KCTD7: variants seen among roughly 807,000 people sequenced by gnomAD.
The protein encoded by KCTD7 is potassium channel tetramerization domain containing 7.
A neutral mutation model predicts 27.0 loss-of-function variants in KCTD7; 15 were observed. That is an observed-to-expected ratio of 0.56 (90% CI 0.37 to 0.86). The LOEUF (loss-of-function observed/expected upper bound fraction) is 0.86, where lower values mean the gene tolerates loss of function less well. Among genes scored for constraint, KCTD7 ranks in the 40% least tolerant of loss-of-function variants. KCTD7 has a pLI of 0.00. For synonymous variants in KCTD7, 159 were observed against 162.7 expected, an observed-to-expected ratio of 0.98 and a Z score of 0.17; for missense variants, 299 against 398.9, an observed-to-expected ratio of 0.75 and a Z score of 2.13.
Position 66,639,294 on chromosome 7 carries a change from AG to A in KCTD7, c.*63del. ...GTCCACCTTGCTTGGTGGCTCTGGGAGTAAGATCCCTGAAGGGGCTGCTGAC... is the reference window on the plus strand; with the variant it reads ...GTCCACCTTGCTTGGTGGCTCTGGGATAAGATCCCTGAAGGGGCTGCTGAC... On this transcript the variant is annotated 3_prime_UTR_variant, in exon 4 of 4. Coordinates refer to ENST00000639828, the MANE Select transcript of KCTD7 (RefSeq NM_153033.5). 3 of 1,599,798 alleles carry A rather than the reference AG, an allele frequency of 1.9e-6. No individual in the cohort carries two copies. Among genetic ancestry groups the A allele is most frequent in the Non-Finnish European group, 1.7e-6 (2 of 1,179,796 alleles).
rs946094420 is a variant in KCTD7 at position 66,642,819 on chromosome 7, G to A, written c.*3587G>A. On this transcript the variant is annotated 3_prime_UTR_variant, in exon 4 of 4. Transcript: ENST00000639828. Reference sequence around the variant, plus strand: ...GTGTATATACATACTGAGTGGGGAAGGATGGGGGTTGGCAGGGGTTGAGGG... The same window carrying A: ...GTGTATATACATACTGAGTGGGGAAAGATGGGGGTTGGCAGGGGTTGAGGG... 164 of 985,304 alleles carry A rather than the reference G, an allele frequency of 1.7e-4. No individual in the cohort carries two copies. The highest frequency in any genetic ancestry group is 1.9e-4 in the Non-Finnish European group (160 of 829,948). The allele number at this position is 985,304 out of a possible 1,614,324, so 61.0% of individuals were successfully genotyped here. A position where few individuals can be genotyped will look rare whatever the true frequency, so the allele number is the denominator to read the frequency against.
chr7:66,630,856 G>A (rs971033080), intron 1 of KCTD7, among the ~76,000 whole-genome samples: 2 of 152,152 alleles, frequency 1.3e-5, no homozygotes, highest in African/African-American at 4.8e-5. Flanking sequence ...AACTGTTTCC[G>A]ATGGCTTTTG....
At chr7:66,637,538 A>G (rs1334695028) in intron 2 of KCTD7, among the ~76,000 whole-genome samples, 1 of 152,216 alleles carries the variant, frequency 6.6e-6, no homozygotes, top group Non-Finnish European at 1.5e-5. Context: ...TAACTAATAA[A>G]AACAAAAAAA....
Position 66,641,272 on chromosome 7 carries a change from T to C in KCTD7, c.*2040T>C. On this transcript the variant is annotated 3_prime_UTR_variant, in exon 4 of 4. Transcript: ENST00000639828. ...AAGGCTTTCATTTTGGTTCTTCTGA[T>C]TGGTGTTACCTACTGCCTAATATGT... 1.0e-6 allele frequency: 1 copy of C among 985,394 alleles called. No individual in the cohort carries two copies. Among genetic ancestry groups the C allele is most frequent in the Non-Finnish European group, 1.2e-6 (1 of 829,930 alleles). 61.0% of individuals were successfully genotyped at this position (985,394 alleles called of 1,614,324 possible). A position where few individuals can be genotyped will look rare whatever the true frequency, so the allele number is the denominator to read the frequency against.
chr7:66,639,822 A>G lies in KCTD7; in HGVS notation c.*590A>G, dbSNP rs953427581. ...AAGACTTTTCTTTTCCTTCCGGAACATGTTCTTCACCACCTTTTGGAGATT... is the reference window on the plus strand; with the variant it reads ...AAGACTTTTCTTTTCCTTCCGGAACGTGTTCTTCACCACCTTTTGGAGATT... On this transcript the variant is annotated 3_prime_UTR_variant, in exon 4 of 4. Transcript: ENST00000639828. 8.0e-7 allele frequency: 1 copy of G among 1,248,662 alleles called. No homozygotes were observed. Among genetic ancestry groups the G allele is most frequent in the African/African-American group, 1.5e-5 (1 of 64,822 alleles). The allele number at this position is 1,248,662 out of a possible 1,614,324, so 77.3% of individuals were successfully genotyped here.
chr7:66,637,230 C>A (rs1261834012), intron 2 of KCTD7, among the ~76,000 whole-genome samples: 3 of 152,232 alleles, frequency 2.0e-5, no homozygotes, highest in African/African-American at 7.2e-5. Flanking sequence ...GGATTACAGA[C>A]ACCCACCACC....
In KCTD7 at chr7:66,638,909, G is replaced by T; in HGVS notation, c.547G>T (p.Ala183Ser). ...CCGGCTGCGTGCGGTCCAGCGGAAG[G>T]CCCGCTTTGCCAAGCTCAAGGTCTG... Reference protein sequence around the residue: ...IARLRAVQRKARFAKLKVCVF... With the variant: ...IARLRAVQRKSRFAKLKVCVF... The change falls in exon 4 of 4, where the codon GCC (alanine) becomes TCC (serine). Residue 183 changes from alanine (A) to serine (S), a missense_variant. Coordinates refer to ENST00000639828, the MANE Select transcript of KCTD7 (RefSeq NM_153033.5). The T allele has an allele frequency of 5.6e-6, 9 of 1,614,158 alleles. No individual in the cohort carries two copies. Among genetic ancestry groups the T allele is most frequent in the Non-Finnish European group, 7.6e-6 (9 of 1,180,030 alleles).
rs541259798 is a variant in KCTD7 at position 66,630,555 on chromosome 7, C to T, written c.144+1347C>T. ...GGAGTCCCAGGACAATGGAGGCCCT[C>T]AACAATTGAGGCCCTCAACAGGCTG... On this transcript the variant is annotated intron_variant, in intron 1 of 3. Transcript: ENST00000639828. 9.1e-4 allele frequency among the ~76,000 whole-genome samples: 138 copies of T among 152,148 alleles called. 1 individual carries two copies. The highest frequency in any genetic ancestry group is 1.6e-3 in the Non-Finnish European group (107 of 68,030).
At chr7:66,634,752 C>T (rs563539659) in intron 2 of KCTD7, among the ~76,000 whole-genome samples, 2 of 80,516 alleles carry the variant, frequency 2.5e-5, no homozygotes, top group African/African-American at 1.2e-4. Context: ...AAGACTGATA[C>T]AGTGTTGTTC....
Position 66,640,772 on chromosome 7 carries a change from G to A in KCTD7, c.*1540G>A. 9.8e-7 allele frequency: 1 copy of A among 1,020,288 alleles called. No individual in the cohort carries two copies. Among genetic ancestry groups the A allele is most frequent in the Non-Finnish European group, 1.2e-6 (1 of 847,900 alleles). The allele number at this position is 1,020,288 out of a possible 1,614,324, so 63.2% of individuals were successfully genotyped here. A position where few individuals can be genotyped will look rare whatever the true frequency, so the allele number is the denominator to read the frequency against. ...TTGAGCCCAGGAGATTAAGACTGTA[G>A]TATACTATGATCGTGCCTGTGGCTA... On this transcript the variant is annotated 3_prime_UTR_variant, in exon 4 of 4. Coordinates refer to ENST00000639828, the MANE Select transcript of KCTD7 (RefSeq NM_153033.5).
chr7:66,637,994 TAAC>T (rs1378095333), intron 2 of KCTD7, among the ~76,000 whole-genome samples: 6 of 152,232 alleles, frequency 3.9e-5, no homozygotes, highest in East Asian at 1.9e-4. Context: ...TGCTTACTGA[TAAC>T]AACAACTAAT....
Position 66,639,432 on chromosome 7 carries a change from G to A in KCTD7, c.*200G>A, listed in dbSNP as rs893768954. 21 of 1,466,848 alleles carry A rather than the reference G, an allele frequency of 1.4e-5. No individual in the cohort carries two copies. The highest frequency in any genetic ancestry group is 2.5e-5 in the East Asian group (1 of 40,050). The allele number at this position is 1,466,848 out of a possible 1,614,324, so 90.9% of individuals were successfully genotyped here. The stretch of plus-strand genomic sequence containing the variant: ...CCTCAGGGTTGGGCTCAGGGCTTGC[G>A]GCCTGCAGGCACTCCAGCCAGCGCT... On this transcript the variant is annotated 3_prime_UTR_variant, in exon 4 of 4. Transcript: ENST00000639828.
chr7:66,640,847 A>G lies in KCTD7; in HGVS notation c.*1615A>G, dbSNP rs1739616996. 1.0e-6 allele frequency: 1 copy of G among 982,830 alleles called. No homozygotes were observed. Among genetic ancestry groups the G allele is most frequent in the Non-Finnish European group, 1.2e-6 (1 of 827,330 alleles). The allele number at this position is 982,830 out of a possible 1,614,324, so 60.9% of individuals were successfully genotyped here. On this transcript the variant is annotated 3_prime_UTR_variant, in exon 4 of 4. Transcript: ENST00000639828. ...CACCATCGTAAAAATAAATAAATAAATAAATAAATTGGGGAGGACAGCCTC... is the reference window on the plus strand; with the variant it reads ...CACCATCGTAAAAATAAATAAATAAGTAAATAAATTGGGGAGGACAGCCTC...
rs1274628365 is a variant in KCTD7 at position 66,639,780 on chromosome 7, C to A, written c.*548C>A. On this transcript the variant is annotated 3_prime_UTR_variant, in exon 4 of 4. Coordinates refer to ENST00000639828, the MANE Select transcript of KCTD7 (RefSeq NM_153033.5). ...CTTCTCCTCCAAGAATAGTTGCCCACATTCCCAAAATGTGGAAAGACTTTT... is the reference window on the plus strand; with the variant it reads ...CTTCTCCTCCAAGAATAGTTGCCCAAATTCCCAAAATGTGGAAAGACTTTT... 16 of 1,250,692 alleles carry A rather than the reference C, an allele frequency of 1.3e-5. No homozygotes were observed. Among genetic ancestry groups the A allele is most frequent in the Non-Finnish European group, 1.3e-5 (13 of 998,970 alleles). 77.5% of individuals were successfully genotyped at this position (1,250,692 alleles called of 1,614,324 possible).
At chr7:66,637,733 A>T (rs1003638840) in intron 2 of KCTD7, among the ~76,000 whole-genome samples, 9 of 152,128 alleles carry the variant, frequency 5.9e-5, no homozygotes, top group Non-Finnish European at 1.0e-4. Context: ...TTCCGTAGGG[A>T]TTAACTGGGA....
downstream of KCTD7, chr7:66,643,219 G>A: frequency 1.0e-6 from 1 of 985,190 alleles, no homozygotes; most frequent in Non-Finnish European, 1.2e-6. Flanking sequence ...GCCCTGAAAG[G>A]GAGGTGGGCC....
Position 66,639,236 on chromosome 7 carries a change from G to A in KCTD7, c.*4G>A, listed in dbSNP as rs773953605. The A allele has an allele frequency of 6.8e-6, 11 of 1,609,330 alleles. No individual in the cohort carries two copies. The highest frequency in any genetic ancestry group is 1.3e-5 in the African/African-American group (1 of 74,922). ...GTTCAAGATCACATGGTGGTGAGTA[G>A]CCCCGGTAGGCGAGAGTCCCATCAG... On this transcript the variant is annotated 3_prime_UTR_variant, in exon 4 of 4. Transcript: ENST00000639828.
At position 66,640,104 on chromosome 7, in the gene KCTD7, C is replaced by T; in HGVS notation, c.*872C>T. The T allele has an allele frequency of 7.6e-7, 1 of 1,321,284 alleles. No individual in the cohort carries two copies. The highest frequency in any genetic ancestry group is 2.5e-5 in the South Asian group (1 of 39,802). The allele number at this position is 1,321,284 out of a possible 1,614,324, so 81.8% of individuals were successfully genotyped here. ...GAGGCTCAGAACACCTCCTTGGCTG[C>T]TATCTCATGTGTTAGAATCCAGTTT... On this transcript the variant is annotated 3_prime_UTR_variant, in exon 4 of 4. Coordinates refer to ENST00000639828, the MANE Select transcript of KCTD7 (RefSeq NM_153033.5).
At position 66,639,630 on chromosome 7, in the gene KCTD7, C is replaced by A; in HGVS notation, c.*398C>A. On this transcript the variant is annotated 3_prime_UTR_variant, in exon 4 of 4. Transcript: ENST00000639828. ...GCCTAATCACTTCCTCAACCCTGTTCAAGCGTCCCTCCCTTGTGCTCAGTA... is the reference window on the plus strand; with the variant it reads ...GCCTAATCACTTCCTCAACCCTGTTAAAGCGTCCCTCCCTTGTGCTCAGTA... 3.0e-6 allele frequency: 4 copies of A among 1,339,830 alleles called. No individual in the cohort carries two copies. The highest frequency in any genetic ancestry group is 3.8e-6 in the Non-Finnish European group (4 of 1,042,176). The allele number at this position is 1,339,830 out of a possible 1,614,324, so 83.0% of individuals were successfully genotyped here. A position where few individuals can be genotyped will look rare whatever the true frequency, so the allele number is the denominator to read the frequency against.
Sources: gnomAD v4.1 joint callset for allele counts (sites outside exome capture counted in the v4.1 genomes callset) on GRCh38, gnomAD v4.1.1 for gene constraint, MANE v1.5 for transcripts, NCBI Gene and HGNC (gene_info 2026-07-23, HGNC 2026-07-21) for gene names.